Variants in MTRES1 observed in about 807,000 individuals in gnomAD.
MTRES1 encodes uncharacterized protein C6orf203.
Under a neutral mutation model 17.4 loss-of-function variants are expected in MTRES1, and 11 were observed. The ratio of observed to expected loss-of-function variants is 0.63; its 90% CI spans 0.40 to 1.05. MTRES1 has a LOEUF of 1.05. MTRES1 is among the 50% of genes least tolerant of loss of function. MTRES1 has a pLI of 0.00. For missense variants in MTRES1, 268 were observed against 276.2 expected, an observed-to-expected ratio of 0.97 and a Z score of 0.21; for synonymous variants, 94 against 99.6, an observed-to-expected ratio of 0.94 and a Z score of 0.34.
Position 107,040,241 on chromosome 6 carries a change from T to TA in MTRES1, c.470+12dup. ...AGATATTGGGAGAAAGTGAGTATGA[T>TA]ACGCATTTCATTATAAACTCGCTCG... On this transcript the variant is annotated intron_variant, in intron 2 of 3. Transcript: ENST00000311381. 2 of 1,567,450 alleles carry TA rather than the reference T, an allele frequency of 1.3e-6. No individual in the cohort carries two copies. Among genetic ancestry groups the TA allele is most frequent in the South Asian group, 1.2e-5 (1 of 82,840 alleles).
chr6:107,046,205 C>T (rs150360684), intron 3 of MTRES1, among the ~76,000 whole-genome samples: 22 of 152,294 alleles, frequency 1.4e-4, no homozygotes, highest in African/African-American at 4.3e-4. Context: ...GCCTGCCCTC[C>T]TTCTAAGCTG....
At chr6:107,030,585 G>A (rs1185634424) in intron 1 of MTRES1, among the ~76,000 whole-genome samples, 2 of 152,196 alleles carry the variant, frequency 1.3e-5, no homozygotes, top group East Asian at 1.9e-4. Context: ...ATGACAAGAC[G>A]TGAGAGATCT....
At chr6:107,043,893 C>T (rs1774301071) in intron 2 of MTRES1, among the ~76,000 whole-genome samples, 1 of 152,206 alleles carries the variant, frequency 6.6e-6, no homozygotes, top group South Asian at 2.1e-4. Flanking sequence ...CTTTGGGAGG[C>T]CAAGGCGGGC....
Position 107,040,045 on chromosome 6 carries a change from A to G in MTRES1, c.285A>G (p.Lys95=), listed in dbSNP as rs200049618. The change falls in exon 2 of 4, where the codon AAA becomes AAG. Residue 95 remains lysine (K), a synonymous_variant. Transcript: ENST00000311381. ...ATATAAGGTCTACAAAATCTACTAA[A>G]AAGTCTCTGCAAAAAGTAGATGAAG... ...KSNIRSTKST[K]KSLQKVDEED... 54 of 1,613,346 alleles carry G rather than the reference A, an allele frequency of 3.3e-5. No individual in the cohort carries two copies. In the African/African-American group the frequency reaches 6.1e-4, roughly 18 times the overall value.
In MTRES1 at chr6:107,051,112, C is replaced by T; in HGVS notation, c.599C>T (p.Thr200Ile). The change falls in exon 4 of 4, where the codon ACA (threonine) becomes ATA (isoleucine). Residue 200 changes from threonine to isoleucine, a missense_variant. Thr to Ile is a moderately conservative substitution (Grantham distance 89, BLOSUM62 -1). Coordinates refer to ENST00000311381, the MANE Select transcript of MTRES1 (RefSeq NM_016487.5). ...LLIGEDKEAG[T>I]ETVMRILLKK... ...ATTGGAGAGGATAAAGAAGCAGGAA[C>T]AGAGACAGTTATGCGGATTCTCTTG... 6.2e-7 allele frequency: 1 copy of T among 1,613,778 alleles called. No homozygotes were observed. Among genetic ancestry groups the T allele is most frequent in the Non-Finnish European group, 8.5e-7 (1 of 1,179,710 alleles).
At chr6:107,046,491 G>T (rs1231120544) in intron 3 of MTRES1, among the ~76,000 whole-genome samples, 1 of 152,174 alleles carries the variant, frequency 6.6e-6, no homozygotes, top group Non-Finnish European at 1.5e-5. Flanking sequence ...TTGTTACTAG[G>T]AGGCCTGGTA....
At chr6:107,033,132 A>G (rs1773897232) in intron 1 of MTRES1, among the ~76,000 whole-genome samples, 1 of 152,184 alleles carries the variant, frequency 6.6e-6, no homozygotes, top group African/African-American at 2.4e-5. Flanking sequence ...ATCTGCAACC[A>G]TTCACTGGTT....
intron 1 of MTRES1, among the ~76,000 whole-genome samples, chr6:107,030,410 G>C (rs1279773895): frequency 1.3e-5 from 2 of 152,180 alleles, no homozygotes; most frequent in Admixed American, 6.6e-5. Flanking sequence ...TCAGCACGTA[G>C]TCATACTCAC....
chr6:107,050,825 G>C (rs1220263423), intron 3 of MTRES1, among the ~76,000 whole-genome samples: 9 of 151,958 alleles, frequency 5.9e-5, no homozygotes, highest in East Asian at 3.9e-4. Context: ...GATCCACCGA[G>C]CTTGGCCTCC....
rs1372535092 is a variant in MTRES1, at chr6:107,036,064, GT to G, written c.-12-3683del. Among the ~76,000 whole-genome samples the G allele has an allele frequency of 3.3e-5, 5 of 152,010 alleles. No homozygotes were observed. In the East Asian group the frequency reaches 9.7e-4, roughly 29 times the overall value. On this transcript the variant is annotated intron_variant, in intron 1 of 3. Transcript: ENST00000311381. Reference sequence around the variant, plus strand: ...TAGGGGGTATACTCAACCTTTCCTAGTTATGACTTTTGGGGGGGCATCTAAT... The same window carrying G: ...TAGGGGGTATACTCAACCTTTCCTAGTATGACTTTTGGGGGGGCATCTAAT...
At chr6:107,031,763 G>A (rs996705851) in intron 1 of MTRES1, among the ~76,000 whole-genome samples, 3 of 152,100 alleles carry the variant, frequency 2.0e-5, no homozygotes, top group Non-Finnish European at 4.4e-5. Flanking sequence ...ACCACATTCA[G>A]CTAATTTTTG....
At chr6:107,032,705 A>G (rs552691640) in intron 1 of MTRES1, among the ~76,000 whole-genome samples, 4 of 152,278 alleles carry the variant, frequency 2.6e-5, no homozygotes, top group South Asian at 2.1e-4. Context: ...CTCCATCTCA[A>G]AAAAATAAAA....
chr6:107,042,230 C>G (rs1301626273), intron 2 of MTRES1, among the ~76,000 whole-genome samples: 1 of 146,932 alleles, frequency 6.8e-6, no homozygotes, highest in African/African-American at 2.5e-5. Flanking sequence ...GTTCCAGCTA[C>G]TTGGGAGGCT....
intron 1 of MTRES1, among the ~76,000 whole-genome samples, chr6:107,037,347 G>A (rs564586257): frequency 2.8e-4 from 42 of 152,202 alleles, no homozygotes; most frequent in Admixed American, 4.6e-4. Context: ...TGGGATTACC[G>A]GCATGAGCCA....
intron 1 of MTRES1, among the ~76,000 whole-genome samples, chr6:107,036,849 C>CAA (rs67649016): frequency 7.5e-5 from 10 of 132,510 alleles, no homozygotes; most frequent in Admixed American, 7.6e-5. Flanking sequence ...GACTCCGTCT[C>CAA]AAAAAAAAAA....
intron 1 of MTRES1, among the ~76,000 whole-genome samples, chr6:107,035,085 C>CA (rs369977077): frequency 1.2e-3 from 179 of 152,214 alleles, no homozygotes; most frequent in African/African-American, 4.0e-3. Flanking sequence ...TGTTTGTACT[C>CA]ATCTGCAAAA....
rs2114956153 is a variant in MTRES1, at chr6:107,040,094, C to G, written c.334C>G (p.His112Asp). ...DEEDSDEESH[H>D]DEMSEQEEEL... ...AGAGGACTCTGATGAAGAAAGCCAT[C>G]ATGATGAGATGAGTGAGCAGGAAGA... Residue 112 changes from histidine (H) to aspartate (D), a missense_variant, in exon 2 of 4, where the codon CAT (histidine) becomes GAT (aspartate). Transcript: ENST00000311381. 6.2e-7 allele frequency: 1 copy of G among 1,613,754 alleles called. No homozygotes were observed. Among genetic ancestry groups the G allele is most frequent in the East Asian group, 2.2e-5 (1 of 44,864 alleles).
intron 1 of MTRES1, among the ~76,000 whole-genome samples, chr6:107,030,761 G>A (rs1455583190): frequency 6.6e-6 from 1 of 152,170 alleles, no homozygotes; most frequent in Non-Finnish European, 1.5e-5. Context: ...GGAATTGTGG[G>A]AACCCTCGTG....
chr6:107,050,955 C>A, intron 3 of MTRES1, 102 bp from the exon 4 acceptor site: 1 of 956,218 alleles, frequency 1.0e-6, no homozygotes, highest in Non-Finnish European at 1.6e-6. Flanking sequence ...CCTGCCCCTC[C>A]TCTGGGTCAT....
Sources: gnomAD v4.1 joint callset for allele counts (sites outside exome capture counted in the v4.1 genomes callset) on GRCh38, gnomAD v4.1.1 for gene constraint, MANE v1.5 for transcripts, NCBI Gene and HGNC (gene_info 2026-07-23, HGNC 2026-07-21) for gene names.